Variants in EPHA3 observed in about 807,000 individuals in gnomAD.
EPHA3 encodes the protein ephrin type-A receptor 3.
A neutral mutation model predicts 107.1 loss-of-function variants in EPHA3; 42 were observed. The ratio of observed to expected loss-of-function variants is 0.39; its 90% CI spans 0.31 to 0.51. The LOEUF is 0.51. Among genes scored for constraint, EPHA3 ranks in the 20% least tolerant of loss-of-function variants. The probability of loss-of-function intolerance (pLI) is 0.78; values close to 1 mark genes in which losing one functional copy is unlikely to be tolerated. For synonymous variants in EPHA3, 461 were observed against 424.8 expected (o/e 1.09, Z -1.05); for missense variants, 1,183 against 1,211.2 (o/e 0.98, Z 0.35).
At chr3:89,109,033 C>T (rs1410046646) in intron 1 of EPHA3, among the ~76,000 whole-genome samples, 1 of 152,058 alleles carries the variant, frequency 6.6e-6, no homozygotes, top group Non-Finnish European at 1.5e-5. Context: ...AAACAAAATA[C>T]TTAGAAAGTT....
chr3:89,412,222 G>A (rs916169085), intron 9 of EPHA3, among the ~76,000 whole-genome samples: 2 of 151,378 alleles, frequency 1.3e-5, no homozygotes, highest in Non-Finnish European at 3.0e-5. Context: ...CCAAATTATA[G>A]GAATCTTATT....
chr3:89,150,110 A>G (rs536367125), intron 2 of EPHA3, among the ~76,000 whole-genome samples: 3 of 151,972 alleles, frequency 2.0e-5, no homozygotes, highest in Non-Finnish European at 4.4e-5. Context: ...ATGGGAAAGT[A>G]TATGATTCTT....
intron 3 of EPHA3, among the ~76,000 whole-genome samples, chr3:89,288,115 T>C (rs186666571): frequency 1.2e-4 from 18 of 152,216 alleles, no homozygotes; most frequent in African/African-American, 4.1e-4. Context: ...TGTAAGATTC[T>C]ACAAAAGAAT....
intron 2 of EPHA3, among the ~76,000 whole-genome samples, chr3:89,189,588 T>C (rs1397709096): frequency 1.3e-5 from 2 of 152,146 alleles, no homozygotes; most frequent in Non-Finnish European, 2.9e-5. Context: ...CAAGACTTCG[T>C]CTCAAAACAA....
intron 2 of EPHA3, among the ~76,000 whole-genome samples, chr3:89,128,682 C>G (rs1010412184): frequency 1.3e-5 from 2 of 149,218 alleles, no homozygotes; most frequent in African/African-American, 2.4e-5. Context: ...ATACTATATA[C>G]TATATATACT....
intron 5 of EPHA3, among the ~76,000 whole-genome samples, chr3:89,373,218 G>T (rs1309776238): frequency 1.3e-5 from 2 of 151,736 alleles, no homozygotes; most frequent in Non-Finnish European, 2.9e-5. Context: ...TAACCTGTAA[G>T]ATAATCTTTT....
At chr3:89,121,858 G>A (rs573379289) in intron 1 of EPHA3, among the ~76,000 whole-genome samples, 2 of 152,098 alleles carry the variant, frequency 1.3e-5, no homozygotes, top group South Asian at 2.1e-4. Context: ...GTAGATAAAA[G>A]TTATGTTGCA....
At chr3:89,460,330 GT>G (rs1394056582) in intron 15 of EPHA3, among the ~76,000 whole-genome samples, 2 of 142,648 alleles carry the variant, frequency 1.4e-5, no homozygotes, top group Non-Finnish European at 3.1e-5. Flanking sequence ...TTAGAACGAG[GT>G]TTTAAATGGA....
At chr3:89,442,164 T>A (rs1389745257) in intron 13 of EPHA3, among the ~76,000 whole-genome samples, 1 of 151,494 alleles carries the variant, frequency 6.6e-6, no homozygotes, top group South Asian at 2.1e-4. Flanking sequence ...GGAAGGAAGA[T>A]AGGAAAAAAG....
At chr3:89,299,444 A>G (rs1178190395) in intron 3 of EPHA3, among the ~76,000 whole-genome samples, 1 of 151,986 alleles carries the variant, frequency 6.6e-6, no homozygotes, top group Non-Finnish European at 1.5e-5. Context: ...GAAAAATGTA[A>G]CATCCATAGC....
intron 1 of EPHA3, among the ~76,000 whole-genome samples, chr3:89,123,221 T>A (rs766348928): frequency 1.3e-4 from 20 of 152,196 alleles, no homozygotes; most frequent in Admixed American, 5.9e-4. Context: ...CTCGGCTCAC[T>A]GCAACCTGCG....
chr3:89,249,393 T>C (rs2107260095), intron 3 of EPHA3, among the ~76,000 whole-genome samples: 1 of 152,300 alleles, frequency 6.6e-6, no homozygotes, highest in Non-Finnish European at 1.5e-5. Flanking sequence ...TCTTTGTTAG[T>C]ACAGTTTCAT....
At chr3:89,206,635 A>G (rs1200159896) in intron 2 of EPHA3, among the ~76,000 whole-genome samples, 1 of 152,148 alleles carries the variant, frequency 6.6e-6, no homozygotes, top group African/African-American at 2.4e-5. Flanking sequence ...AGATTTTTGG[A>G]GCACCAAGTC....
intron 5 of EPHA3, among the ~76,000 whole-genome samples, chr3:89,382,008 A>G (rs1264696108): frequency 2.0e-5 from 3 of 152,194 alleles, no homozygotes; most frequent in Non-Finnish European, 2.9e-5. Flanking sequence ...AAGAGTGAGA[A>G]AAAAAATTAC....
chr3:89,157,166 A>T (rs1417296660), intron 2 of EPHA3, among the ~76,000 whole-genome samples: 3 of 152,104 alleles, frequency 2.0e-5, no homozygotes, highest in Admixed American at 1.3e-4. Context: ...ATGCTATGGT[A>T]GTGCGATCCA....
chr3:89,395,940 C>T lies in EPHA3; in HGVS notation c.1410C>T (p.Tyr470=), dbSNP rs377110805. 69 of 1,613,822 alleles carry T rather than the reference C, an allele frequency of 4.3e-5. 1 individual carries two copies. The highest frequency in any genetic ancestry group is 2.8e-4 in the African/African-American group (21 of 75,016). ...PEHPNGIILD[Y]EVKYYEKQEQ... ...ATCCTAATGGGATCATATTGGACTA[C>T]GAGGTCAAATACTATGAAAAGGTGG... is the stretch of plus-strand genomic sequence containing the variant. Residue 470 remains tyrosine (Y), a synonymous_variant, in exon 6 of 17, where the codon TAC becomes TAT. Transcript: ENST00000336596.
In EPHA3 at chr3:89,413,259, T is replaced by C; in HGVS notation, c.1881T>C (p.Val627=). The change falls in exon 10 of 17, where the codon GTT becomes GTC. Residue 627 remains valine, a synonymous_variant. Transcript: ENST00000336596. ...CCAACATATCCATTGATAAAGTTGTTGGAGCAGGTAACCACAATGACCCTA... is the reference window on the plus strand; with the variant it reads ...CCAACATATCCATTGATAAAGTTGTCGGAGCAGGTAACCACAATGACCCTA... The part of the protein sequence containing the change: ...DATNISIDKV[V]GAGEFGEVCS... 6 of 1,611,528 alleles carry C rather than the reference T, an allele frequency of 3.7e-6. No individual in the cohort carries two copies. The highest frequency in any genetic ancestry group is 5.1e-6 in the Non-Finnish European group (6 of 1,178,154).
intron 2 of EPHA3, among the ~76,000 whole-genome samples, chr3:89,161,995 A>G (rs1704956463): frequency 6.7e-6 from 1 of 150,226 alleles, no homozygotes; most frequent in Admixed American, 6.6e-5. Context: ...TAATAATAAT[A>G]ATAGTAATAA....
chr3:89,360,070 G>T (rs1444063564), intron 5 of EPHA3, among the ~76,000 whole-genome samples: 2 of 150,068 alleles, frequency 1.3e-5, no homozygotes, highest in African/African-American at 2.4e-5. Context: ...AACTCAAGTT[G>T]CTAGGGAGAA....
Sources: allele counts gnomAD v4.1 joint callset (sites outside exome capture counted in the v4.1 genomes callset), GRCh38; gene constraint gnomAD v4.1.1; transcripts MANE v1.5; gene names NCBI Gene and HGNC (gene_info 2026-07-23, HGNC 2026-07-21).